NR2F1-AS1: variants seen among roughly 807,000 people sequenced by gnomAD.
NR2F1-AS1 encodes NR2F1 antisense RNA 1.
chr5:93,515,001 T>G (rs1375802361), intron 4 of NR2F1-AS1, among the ~76,000 whole-genome samples: 1 of 152,094 alleles, frequency 6.6e-6, no homozygotes. Flanking sequence ...AAATTTTTAA[T>G]GCTTTAATGC....
chr5:93,527,029 T>C (rs1751633194), intron 4 of NR2F1-AS1, among the ~76,000 whole-genome samples: 1 of 152,158 alleles, frequency 6.6e-6, no homozygotes, highest in African/African-American at 2.4e-5. Context: ...ATAAAGGGTA[T>C]TCAAACAGGA....
intron 4 of NR2F1-AS1, among the ~76,000 whole-genome samples, chr5:93,539,189 A>G (rs1312680602): frequency 6.6e-6 from 1 of 152,122 alleles, no homozygotes; most frequent in Non-Finnish European, 1.5e-5. Flanking sequence ...GAGGTAGGAG[A>G]ATCGCTTGAA....
chr5:93,551,151 A>G (rs1752218915), intron 4 of NR2F1-AS1, among the ~76,000 whole-genome samples: 1 of 152,084 alleles, frequency 6.6e-6, no homozygotes, highest in South Asian at 2.1e-4. Flanking sequence ...TAAAGGTTTT[A>G]GTGTTTACAG....
At chr5:93,531,548 A>G (rs1751736642) in intron 4 of NR2F1-AS1, among the ~76,000 whole-genome samples, 1 of 152,200 alleles carries the variant, frequency 6.6e-6, no homozygotes, top group African/African-American at 2.4e-5. Context: ...CTTGTAAATG[A>G]TCAATACCAT....
chr5:93,458,918 A>G (rs1261538292), intron 4 of NR2F1-AS1, among the ~76,000 whole-genome samples: 2 of 152,074 alleles, frequency 1.3e-5, no homozygotes, highest in African/African-American at 4.8e-5. Flanking sequence ...AGGCTGAGAC[A>G]AGAGAATCGC....
At chr5:93,511,686 G>A (rs536917584) in intron 4 of NR2F1-AS1, among the ~76,000 whole-genome samples, 24 of 152,228 alleles carry the variant, frequency 1.6e-4, no homozygotes, top group African/African-American at 4.6e-4. Context: ...GAACTGGGCC[G>A]CAAAGCAGGA....
chr5:93,420,082 G>A (rs746214710), intron 4 of NR2F1-AS1, among the ~76,000 whole-genome samples: 2 of 152,098 alleles, frequency 1.3e-5, no homozygotes, highest in Non-Finnish European at 2.9e-5. Context: ...CATAATCCCT[G>A]CTATTCGGAA....
At chr5:93,564,035 G>A (rs1191166653) in intron 1 of NR2F1-AS1, among the ~76,000 whole-genome samples, 1 of 139,008 alleles carries the variant, frequency 7.2e-6, no homozygotes, top group Non-Finnish European at 1.5e-5. Context: ...CCAGGAGGTG[G>A]AGCTTACAAT....
chr5:93,544,392 G>GCC (rs1338987079), intron 4 of NR2F1-AS1, among the ~76,000 whole-genome samples: 1 of 152,048 alleles, frequency 6.6e-6, no homozygotes, highest in East Asian at 1.9e-4. Flanking sequence ...ATTCTATTAT[G>GCC]CCATAGAATA....
intron 4 of NR2F1-AS1, among the ~76,000 whole-genome samples, chr5:93,474,249 G>A (rs1054061466): frequency 2.0e-5 from 3 of 152,028 alleles, no homozygotes; most frequent in African/African-American, 7.2e-5. Context: ...AAGTAAAAAA[G>A]GCTTAAGAAA....
At chr5:93,509,357 T>G (rs924090665) in intron 4 of NR2F1-AS1, among the ~76,000 whole-genome samples, 6 of 152,118 alleles carry the variant, frequency 3.9e-5, no homozygotes, top group African/African-American at 1.4e-4. Context: ...GATATGTGGA[T>G]ATTAAAGAAT....
At chr5:93,439,038 T>C (rs1749501628) in intron 4 of NR2F1-AS1, among the ~76,000 whole-genome samples, 1 of 152,262 alleles carries the variant, frequency 6.6e-6, no homozygotes, top group South Asian at 2.1e-4. Flanking sequence ...TTTTTATTTG[T>C]CAATTATACC....
chr5:93,567,315 A>G (rs1266595869), intron 1 of NR2F1-AS1, among the ~76,000 whole-genome samples: 11 of 152,134 alleles, frequency 7.2e-5, no homozygotes, highest in Non-Finnish European at 1.6e-4. Context: ...AAGATCTATT[A>G]ATATGATATG....
In NR2F1-AS1 at chr5:93,579,019, G is replaced by A. The variant is rs1378337656; in HGVS notation, n.313+1448C>T. 2.0e-5 allele frequency among the ~76,000 whole-genome samples: 3 copies of A among 152,154 alleles called. No individual in the cohort carries two copies. The highest frequency in any genetic ancestry group is 2.0e-4 in the Admixed American group (3 of 15,284). On this transcript the variant is annotated intron_variant and non_coding_transcript_variant, in intron 1 of 5. Transcript: ENST00000660523. This position sits in a 1 kb window ranked among gnomAD's most constrained non-coding sequence, Gnocchi z 5.1. ...GCCTCTAGGGAAGACATTTTTGCTG[G>A]AGGCAGGGCTATGAGCACAAGTGGG... is the stretch of plus-strand genomic sequence containing the variant.
At chr5:93,538,518 A>C (rs1751885567) in intron 4 of NR2F1-AS1, among the ~76,000 whole-genome samples, 1 of 152,188 alleles carries the variant, frequency 6.6e-6, no homozygotes, top group Non-Finnish European at 1.5e-5. Flanking sequence ...AATATACAAT[A>C]ATCACACAAA....
At chr5:93,431,172 A>G (rs1407319034) in intron 4 of NR2F1-AS1, among the ~76,000 whole-genome samples, 2 of 152,212 alleles carry the variant, frequency 1.3e-5, no homozygotes, top group African/African-American at 4.8e-5. Context: ...AAAACAGGAC[A>G]GTGAAAGAAA....
In NR2F1-AS1 at chr5:93,562,246, T is replaced by C. The variant is rs185346529; in HGVS notation, n.413+1118A>G. 2.8e-4 allele frequency among the ~76,000 whole-genome samples: 41 copies of C among 145,926 alleles called. 1 individual carries two copies. Among genetic ancestry groups the C allele is most frequent in the Admixed American group, 2.2e-3 (33 of 14,762 alleles). Reference sequence around the variant, plus strand: ...AAAATAATAAGATAAAGTTAGCAAATGCCATATTCTATTTATTTAAGATAC... The same window carrying C: ...AAAATAATAAGATAAAGTTAGCAAACGCCATATTCTATTTATTTAAGATAC... On this transcript the variant is annotated intron_variant and non_coding_transcript_variant, in intron 2 of 5. Coordinates refer to ENST00000660523, the Ensembl canonical transcript of NR2F1-AS1.
chr5:93,441,486 C>A (rs1749568536), intron 4 of NR2F1-AS1, among the ~76,000 whole-genome samples: 1 of 152,212 alleles, frequency 6.6e-6, no homozygotes, highest in South Asian at 2.1e-4. Flanking sequence ...GAGGGAAATT[C>A]TGGTGGCCTG....
intron 4 of NR2F1-AS1, among the ~76,000 whole-genome samples, chr5:93,537,890 G>A (rs1287296350): frequency 6.6e-6 from 1 of 152,162 alleles, no homozygotes; most frequent in Non-Finnish European, 1.5e-5. Context: ...GCCACTGTCT[G>A]TCTGGAATTT....
Sources: gnomAD v4.1 joint callset for allele counts (sites outside exome capture counted in the v4.1 genomes callset) on GRCh38, gnomAD v4.1.1 for gene constraint, Gnocchi (gnomAD v3.1) non-coding constraint, MANE v1.5 for transcripts, NCBI Gene and HGNC (gene_info 2026-07-23, HGNC 2026-07-21) for gene names.